NXPE4: variants seen among roughly 807,000 people sequenced by gnomAD.
NXPE4 encodes the protein NXPE family member 4.
A neutral mutation model predicts 33.3 loss-of-function variants in NXPE4; 42 were observed. That is an observed-to-expected ratio of 1.26 (90% CI 0.98 to 1.63). NXPE4 has a LOEUF of 1.63. NXPE4 is among the 40% of genes most tolerant of loss of function. NXPE4 has a pLI of 0.00. For missense variants in NXPE4, 709 were observed against 647.6 expected, an observed-to-expected ratio of 1.09 and a Z score of -1.03; for synonymous variants, 253 against 234.9, an observed-to-expected ratio of 1.08 and a Z score of -0.71.
the NXPE4 span, among the ~76,000 whole-genome samples, chr11:114,615,928 T>C: frequency 1.4e-5 from 2 of 141,000 alleles, no homozygotes; most frequent in Non-Finnish European, 3.1e-5. Flanking sequence ...GTGGATAATA[T>C]GTATCGACTT....
At chr11:114,617,538 C>A in the NXPE4 span, among the ~76,000 whole-genome samples, 1 of 152,118 alleles carries the variant, frequency 6.6e-6, no homozygotes, top group South Asian at 2.1e-4. Flanking sequence ...TCGTGGCTAA[C>A]CACTGTTACC....
the NXPE4 span, among the ~76,000 whole-genome samples, chr11:114,625,478 AAT>A: frequency 1.3e-5 from 2 of 152,088 alleles, no homozygotes; most frequent in Non-Finnish European, 2.9e-5. Context: ...CCCGGTGGAT[AAT>A]ATGTATGGCC....
intron 2 of NXPE4, among the ~76,000 whole-genome samples, chr11:114,592,245 A>G (rs1053926068): frequency 1.3e-5 from 2 of 152,206 alleles, no homozygotes; most frequent in Non-Finnish European, 2.9e-5. Flanking sequence ...CCCTGTTTGC[A>G]GACCACATAA....
chr11:114,589,794 G>C (rs1204776640), intron 2 of NXPE4, among the ~76,000 whole-genome samples: 1 of 152,086 alleles, frequency 6.6e-6, no homozygotes, highest in African/African-American at 2.4e-5. Flanking sequence ...ATAACCTGAA[G>C]ATGCAGGGCC....
chr11:114,594,694 G>A lies in NXPE4; in HGVS notation c.66C>T (p.Ile22=). The A allele has an allele frequency of 6.2e-7, 1 of 1,603,396 alleles. No individual in the cohort carries two copies. The highest frequency in any genetic ancestry group is 8.5e-7 in the Non-Finnish European group (1 of 1,172,942). The part of the protein sequence containing the change: ...LALLFILASW[I]IFTVFQNSTK... Reference sequence around the variant, plus strand: ...TGGAGTTCTGGAAAACTGTAAAAATGATCCAGGAGGCTAATATAAACAACA... The same window carrying A: ...TGGAGTTCTGGAAAACTGTAAAAATAATCCAGGAGGCTAATATAAACAACA... Residue 22 remains isoleucine, a synonymous_variant, in exon 2 of 6, where the codon ATC becomes ATT. Transcript: ENST00000375478.
chr11:114,610,916 A>G, the NXPE4 span, among the ~76,000 whole-genome samples: 1 of 151,774 alleles, frequency 6.6e-6, no homozygotes, highest in East Asian at 1.9e-4. Context: ...CCTGGTGGAT[A>G]ATAAGTATTG....
chr11:114,643,556 C>T, the NXPE4 span, among the ~76,000 whole-genome samples: 1 of 152,000 alleles, frequency 6.6e-6, no homozygotes, highest in South Asian at 2.1e-4. Context: ...TGTCAAAGAT[C>T]AGATGGTTGT....
chr11:114,625,441 G>C, the NXPE4 span, among the ~76,000 whole-genome samples: 7 of 152,234 alleles, frequency 4.6e-5, no homozygotes, highest in East Asian at 7.7e-4. Flanking sequence ...TGGATAATAA[G>C]TATTGCCTCT....
chr11:114,630,658 C>T, the NXPE4 span, among the ~76,000 whole-genome samples: 2 of 150,584 alleles, frequency 1.3e-5, no homozygotes, highest in Admixed American at 6.6e-5. Context: ...GCAACAAAAG[C>T]CAAAATTGAC....
the NXPE4 span, among the ~76,000 whole-genome samples, chr11:114,618,790 G>A: frequency 2.6e-5 from 4 of 151,626 alleles, no homozygotes; most frequent in Non-Finnish European, 4.4e-5. Flanking sequence ...GTGTTGCCTC[G>A]TGGGAAACCA....
chr11:114,607,421 A>G, the NXPE4 span, among the ~76,000 whole-genome samples: 4 of 151,894 alleles, frequency 2.6e-5, no homozygotes, highest in African/African-American at 9.6e-5. Flanking sequence ...GGTGGATAAT[A>G]TGTATTTCCT....
intron 5 of NXPE4, among the ~76,000 whole-genome samples, chr11:114,579,003 T>C (rs2135211146): frequency 6.6e-6 from 1 of 152,316 alleles, no homozygotes; most frequent in South Asian, 2.1e-4. Flanking sequence ...TCTGTTTGCA[T>C]TGCTATAAAG....
At chr11:114,657,620 C>T in the NXPE4 span, among the ~76,000 whole-genome samples, 1 of 151,880 alleles carries the variant, frequency 6.6e-6, no homozygotes, top group African/African-American at 2.4e-5. Context: ...AATAAAAATA[C>T]TTAGGAAACT....
the NXPE4 span, among the ~76,000 whole-genome samples, chr11:114,625,703 T>C: frequency 6.6e-6 from 1 of 152,152 alleles, no homozygotes; most frequent in Non-Finnish European, 1.5e-5. Context: ...AGCCCCGGTC[T>C]ACAGCTCCCA....
At chr11:114,589,099 G>A (rs755855346) in intron 2 of NXPE4, among the ~76,000 whole-genome samples, 1 of 152,086 alleles carries the variant, frequency 6.6e-6, no homozygotes, top group Non-Finnish European at 1.5e-5. Flanking sequence ...CTATTGATGT[G>A]GGAAGTCAGA....
the NXPE4 span, among the ~76,000 whole-genome samples, chr11:114,621,579 G>T: frequency 1.3e-5 from 2 of 152,034 alleles, no homozygotes; most frequent in African/African-American, 4.8e-5. Context: ...ACTGTTACCT[G>T]TTGGATAATA....
chr11:114,639,271 C>A, the NXPE4 span, among the ~76,000 whole-genome samples: 2 of 152,110 alleles, frequency 1.3e-5, no homozygotes, highest in African/African-American at 4.8e-5. Context: ...CCCTCCGAGC[C>A]AGGTGCAGGA....
chr11:114,607,109 T>A, the NXPE4 span, among the ~76,000 whole-genome samples: 1 of 151,968 alleles, frequency 6.6e-6, no homozygotes, highest in East Asian at 2.0e-4. Flanking sequence ...GAGTAACCAC[T>A]GTTACCCGGT....
intron 2 of NXPE4, chr11:114,583,797 G>T (rs765493164): frequency 2.1e-5 from 9 of 438,620 alleles, no homozygotes; most frequent in Non-Finnish European, 3.6e-5. Flanking sequence ...CATGATGATG[G>T]CATGGAAGAG....
Sources: gnomAD v4.1 joint callset for allele counts (sites outside exome capture counted in the v4.1 genomes callset) on GRCh38, gnomAD v4.1.1 for gene constraint, MANE v1.5 for transcripts, NCBI Gene and HGNC (gene_info 2026-07-23, HGNC 2026-07-21) for gene names.